The following NRP1 variants were observed in gnomAD, a reference collection of about 807,000 sequenced individuals.
NRP1 encodes neuropilin-1.
NRP1 carries 35 observed loss-of-function variants against 106.7 expected under a neutral mutation model. The observed-to-expected ratio is 0.33, with a 90% CI of 0.25 to 0.43. The LOEUF is 0.43. Ranked by LOEUF, NRP1 falls within the 20% of genes least tolerant of loss-of-function variation. The pLI, the probability that NRP1 is intolerant of heterozygous loss-of-function variation, is 1.00. For missense variants in NRP1, 1,024 were observed against 1,170.4 expected (o/e 0.87, Z 1.83); for synonymous variants, 437 against 417.9 (o/e 1.05, Z -0.56).
intron 6 of NRP1, among the ~76,000 whole-genome samples, chr10:33,250,974 A>G (rs1251952127): frequency 2.6e-5 from 4 of 152,122 alleles, no homozygotes; most frequent in Admixed American, 2.6e-4. Context: ...TCCAGCAGGG[A>G]GACCCAAGAA....
intron 2 of NRP1, among the ~76,000 whole-genome samples, chr10:33,273,034 A>G (rs1843421029): frequency 7.3e-6 from 1 of 136,806 alleles, no homozygotes; most frequent in Non-Finnish European, 1.5e-5. Flanking sequence ...AATAGTAAAT[A>G]CTAGGCGCTC....
intron 2 of NRP1, among the ~76,000 whole-genome samples, chr10:33,297,023 A>T (rs967140983): frequency 6.6e-6 from 1 of 152,172 alleles, no homozygotes; most frequent in Non-Finnish European, 1.5e-5. Flanking sequence ...ACCAATTTAA[A>T]CAAAGAAAAA....
At chr10:33,329,693 A>C (rs1848136787) in intron 2 of NRP1, among the ~76,000 whole-genome samples, 2 of 152,222 alleles carry the variant, frequency 1.3e-5, no homozygotes, top group Admixed American at 1.3e-4. Context: ...TTCTTTGATA[A>C]AACTATTTAT....
intron 2 of NRP1, among the ~76,000 whole-genome samples, chr10:33,304,411 A>C (rs1022929854): frequency 2.0e-5 from 3 of 152,048 alleles, no homozygotes; most frequent in African/African-American, 7.2e-5. Context: ...CTGTCAGTCA[A>C]CCCTGTCCTG....
chr10:33,281,460 C>T (rs1844124809), intron 2 of NRP1, among the ~76,000 whole-genome samples: 1 of 152,134 alleles, frequency 6.6e-6, no homozygotes, highest in African/African-American at 2.4e-5. Flanking sequence ...GGCTCAGGAG[C>T]CACTCCTGCA....
At chr10:33,292,582 G>C (rs991118317) in intron 2 of NRP1, among the ~76,000 whole-genome samples, 1 of 152,188 alleles carries the variant, frequency 6.6e-6, no homozygotes, top group East Asian at 1.9e-4. Context: ...AGGTGAAAGA[G>C]GGCATCCGAG....
At chr10:33,270,374 C>T (rs997854371) in intron 3 of NRP1, among the ~76,000 whole-genome samples, 3 of 149,892 alleles carry the variant, frequency 2.0e-5, no homozygotes, top group Non-Finnish European at 4.4e-5. Context: ...TTGCCCAGGC[C>T]AGAGTGCAAT....
In NRP1 at chr10:33,300,582, A is replaced by G. The variant is rs139051970; in HGVS notation, c.249-29726T>C. On this transcript the variant is annotated intron_variant, in intron 2 of 16. Coordinates refer to ENST00000374867, the MANE Select transcript of NRP1 (RefSeq NM_003873.7). ...GGAAAATAAATCTTGGGGCGCCCAAATCACTAAGCTAAAGGGAAAGGTGAA... is the reference window on the plus strand; with the variant it reads ...GGAAAATAAATCTTGGGGCGCCCAAGTCACTAAGCTAAAGGGAAAGGTGAA... Among the ~76,000 whole-genome samples, 123 of 152,296 alleles carry G rather than the reference A, an allele frequency of 8.1e-4. No homozygotes were observed. In the East Asian group the frequency reaches 0.022, roughly 28 times the overall value.
At chr10:33,262,532 G>A (rs1387410249) in intron 4 of NRP1, among the ~76,000 whole-genome samples, 1 of 151,776 alleles carries the variant, frequency 6.6e-6, no homozygotes, top group Non-Finnish European at 1.5e-5. Context: ...GTGAAAACCC[G>A]TCTCTACCAA....
At chr10:33,333,827 G>A (rs568104366) in intron 1 of NRP1, among the ~76,000 whole-genome samples, 2 of 152,256 alleles carry the variant, frequency 1.3e-5, no homozygotes, top group South Asian at 4.2e-4. Context: ...GGTGTACAAA[G>A]GCGGGGGAGG....
At chr10:33,303,499 C>T (rs1290701301) in intron 2 of NRP1, among the ~76,000 whole-genome samples, 4 of 152,126 alleles carry the variant, frequency 2.6e-5, no homozygotes, top group African/African-American at 9.7e-5. Context: ...TTTTTAGGTA[C>T]GAGCATCGGT....
chr10:33,283,064 G>A (rs1844259276), intron 2 of NRP1, among the ~76,000 whole-genome samples: 1 of 152,152 alleles, frequency 6.6e-6, no homozygotes, highest in Non-Finnish European at 1.5e-5. Context: ...TGGGCAGTGG[G>A]CACTAACCTA....
In NRP1 at chr10:33,270,808, A is replaced by G. The variant is rs2133298187; in HGVS notation, c.297T>C (p.Phe99=). The change falls in exon 3 of 17, where the codon TTT becomes TTC. Residue 99 remains phenylalanine, a synonymous_variant. Transcript: ENST00000374867. ...VFDGENENGH[F]RGKFCGKIAP... is the part of the protein sequence containing the mutation. ...CTATCTTTCCACAGAACTTTCCCCTAAAATGTCCATTTTCATTTTCTCCAT... is the reference window on the plus strand; with the variant it reads ...CTATCTTTCCACAGAACTTTCCCCTGAAATGTCCATTTTCATTTTCTCCAT... 6.2e-7 allele frequency: 1 copy of G among 1,613,524 alleles called. No homozygotes were observed. The highest frequency in any genetic ancestry group is 2.2e-5 in the East Asian group (1 of 44,870).
chr10:33,325,771 A>C (rs1024203289), intron 2 of NRP1, among the ~76,000 whole-genome samples: 10 of 152,218 alleles, frequency 6.6e-5, no homozygotes, highest in African/African-American at 2.4e-4. Flanking sequence ...ACGAAGTTAC[A>C]AGTATGCGAT....
intron 6 of NRP1, among the ~76,000 whole-genome samples, chr10:33,253,010 TC>T (rs1198627568): frequency 1.3e-5 from 2 of 151,954 alleles, no homozygotes; most frequent in Non-Finnish European, 2.9e-5. Context: ...TTTTTTTTTT[TC>T]TTGCTTAGAA....
At chr10:33,247,352 G>A (rs192380920) in intron 6 of NRP1, among the ~76,000 whole-genome samples, 31 of 152,228 alleles carry the variant, frequency 2.0e-4, no homozygotes, top group African/African-American at 6.7e-4. Flanking sequence ...TCAGGTCTAC[G>A]CCATTGTGTT....
At chr10:33,305,734 G>A (rs1846104895) in intron 2 of NRP1, among the ~76,000 whole-genome samples, 1 of 149,654 alleles carries the variant, frequency 6.7e-6, no homozygotes, top group African/African-American at 2.5e-5. Flanking sequence ...ACACAATTTT[G>A]GGATCTCTTT....
chr10:33,280,619 T>G (rs1844050989), intron 2 of NRP1, among the ~76,000 whole-genome samples: 1 of 152,252 alleles, frequency 6.6e-6, no homozygotes, highest in South Asian at 2.1e-4. Context: ...GGAGGCATTT[T>G]GTACATATTT....
At chr10:33,332,784 A>G (rs779497531) in intron 1 of NRP1, among the ~76,000 whole-genome samples, 2 of 152,186 alleles carry the variant, frequency 1.3e-5, no homozygotes, top group Non-Finnish European at 2.9e-5. Context: ...GGCTCTGGTC[A>G]CTTCAAGCAT....
Sources: gnomAD v4.1 joint callset for allele counts (sites outside exome capture counted in the v4.1 genomes callset) on GRCh38, gnomAD v4.1.1 for gene constraint, MANE v1.5 for transcripts, NCBI Gene and HGNC (gene_info 2026-07-23, HGNC 2026-07-21) for gene names.